Variants in PBLD observed in about 807,000 individuals in gnomAD.
PBLD encodes the protein phenazine biosynthesis-like domain-containing protein.
Under a neutral mutation model 31.3 loss-of-function variants are expected in PBLD, and 26 were observed. The ratio of observed to expected loss-of-function variants is 0.83; its 90% confidence interval spans 0.61 to 1.15. The LOEUF is 1.15. Among genes scored for constraint, PBLD ranks in the 50% most tolerant of loss-of-function variants. PBLD has a pLI of 0.00. For missense variants in PBLD, 307 were observed against 351.7 expected, an observed-to-expected ratio of 0.87 and a Z score of 1.02; for synonymous variants, 114 against 129.0, an observed-to-expected ratio of 0.88 and a Z score of 0.79.
Position 68,285,186 on chromosome 10 carries a change from G to A in PBLD, c.754+162C>T, listed in dbSNP as rs1360780080. 24 of 1,472,448 alleles carry A rather than the reference G, an allele frequency of 1.6e-5. No individual in the cohort carries two copies. In the African/African-American group the frequency reaches 3.2e-4, roughly 20 times the overall value. 91.2% of individuals were successfully genotyped at this position (1,472,448 alleles called of 1,614,324 possible). ...GGGGAGGCAGAGGTGAAGGCTGTTT[G>A]GGGTGGAGGATCTTTAAGGGTGAAG... On this transcript the variant is annotated intron_variant, in intron 9 of 9. Coordinates refer to ENST00000358769, the MANE Select transcript of PBLD (RefSeq NM_022129.4).
intron 1 of PBLD, among the ~76,000 whole-genome samples, chr10:68,327,670 C>A (rs987071966): frequency 2.4e-5 from 3 of 123,330 alleles, no homozygotes; most frequent in African/African-American, 9.7e-5. Flanking sequence ...CAAGACTCCA[C>A]CTCAAAAAAA....
chr10:68,315,208 T>A (rs181451507), intron 1 of PBLD, among the ~76,000 whole-genome samples: 1 of 152,036 alleles, frequency 6.6e-6, no homozygotes, highest in Non-Finnish European at 1.5e-5. Context: ...TCTGAGTCAG[T>A]GGATAATAGC....
chr10:68,319,047 A>AAGAGAG (rs745362764), intron 1 of PBLD, among the ~76,000 whole-genome samples: 16,165 of 108,960 alleles, frequency 0.15, 1,532 homozygotes, highest in South Asian at 0.22. Flanking sequence ...GAAAGAAAGA[A>AAGAGAG]AGAGAGAGAA....
chr10:68,296,762 G>A (rs1269057194), intron 3 of PBLD, 124 bp downstream of exon 3: 5 of 814,342 alleles, frequency 6.1e-6, no homozygotes, highest in African/African-American at 3.4e-5. Flanking sequence ...CCAGCACTTC[G>A]GGAGGCTGAG....
At position 68,309,307 on chromosome 10, in the gene PBLD, C is replaced by T. The variant is rs1286166738; in HGVS notation, c.-59-2404G>A. Reference sequence around the variant, plus strand: ...CTATAATCCCAGCTACTTGGGAGGCCGAGGCAGGAGAATCGCTTGAACCTG... The same window carrying T: ...CTATAATCCCAGCTACTTGGGAGGCTGAGGCAGGAGAATCGCTTGAACCTG... On this transcript the variant is annotated intron_variant, in intron 1 of 9. Coordinates refer to ENST00000358769, the MANE Select transcript of PBLD (RefSeq NM_022129.4). 3.4e-5 allele frequency among the ~76,000 whole-genome samples: 5 copies of T among 144,952 alleles called. 1 individual carries two copies. The highest frequency in any genetic ancestry group is 4.6e-4 in the East Asian group (2 of 4,382).
Position 68,306,796 on chromosome 10 carries a change from G to T in PBLD, c.49C>A (p.Arg17Ser), listed in dbSNP as rs12359690. ...AGGCAAACAGCAGCAGGATTCCCAC[G>T]AAATGCTCTTGCTGTGAATGCATCT... The part of the protein sequence containing the change: ...IADAFTARAF[R>S]GNPAAVCLLE... The change falls in exon 2 of 10, where the codon CGT becomes AGT. Residue 17 changes from arginine to serine, a missense_variant. Physicochemically the swap from Arg to Ser is moderately radical, Grantham distance 110. Transcript: ENST00000358769. 3 of 1,611,808 alleles carry T rather than the reference G, an allele frequency of 1.9e-6. No homozygotes were observed. Among genetic ancestry groups the T allele is most frequent in the Non-Finnish European group, 2.5e-6 (3 of 1,178,450 alleles).
chr10:68,296,314 A>G lies in PBLD; in HGVS notation c.235T>C (p.Cys79Arg), dbSNP rs1189334490. 5 of 1,614,188 alleles carry G rather than the reference A, an allele frequency of 3.1e-6. No homozygotes were observed. The highest frequency in any genetic ancestry group is 3.4e-6 in the Non-Finnish European group (4 of 1,180,004). Reference protein sequence around the residue: ...WFTPASEVPLCGHATLASAAV... With the variant: ...WFTPASEVPLRGHATLASAAV... ...GCAGAAGCCAGGGTGGCATGGCCAC[A>G]GAGTGGGACCTCACTCGCTGGTGTA... The change falls in exon 4 of 10, where the codon TGT becomes CGT. Residue 79 changes from cysteine (C) to arginine (R), a missense_variant. Cys to Arg is a radical substitution (Grantham distance 180, BLOSUM62 -3). Transcript: ENST00000358769.
Position 68,283,460 on chromosome 10 carries a change from G to T in PBLD, c.*717C>A, listed in dbSNP as rs552230597. ...TTATGGCCTACTGTCCTCTTTCTTA[G>T]TATTATATTATAAAATATTTTTCTA... On this transcript the variant is annotated 3_prime_UTR_variant, in exon 10 of 10. Transcript: ENST00000358769. 2 of 152,102 alleles carry T rather than the reference G, an allele frequency of 1.3e-5. No individual in the cohort carries two copies. Among genetic ancestry groups the T allele is most frequent in the Non-Finnish European group, 2.9e-5 (2 of 68,012 alleles). 9.4% of individuals were successfully genotyped at this position (152,102 alleles called of 1,614,324 possible).
At chr10:68,325,509 G>A (rs1252767859) in intron 1 of PBLD, among the ~76,000 whole-genome samples, 3 of 152,184 alleles carry the variant, frequency 2.0e-5, no homozygotes, top group Admixed American at 6.6e-5. Context: ...AGATTGCAAT[G>A]AGCTGAGATC....
chr10:68,326,429 A>C (rs953455884), intron 1 of PBLD, among the ~76,000 whole-genome samples: 3 of 152,222 alleles, frequency 2.0e-5, no homozygotes, highest in African/African-American at 7.2e-5. Context: ...TTTATTAATA[A>C]CAGCTGCATC....
At chr10:68,314,446 A>T (rs2044709687) in intron 1 of PBLD, among the ~76,000 whole-genome samples, 1 of 152,186 alleles carries the variant, frequency 6.6e-6, no homozygotes, top group Non-Finnish European at 1.5e-5. Flanking sequence ...CCCCAGCTAC[A>T]TGATAGCTTT....
At chr10:68,299,679 A>C (rs1009941335) in intron 2 of PBLD, among the ~76,000 whole-genome samples, 2 of 151,854 alleles carry the variant, frequency 1.3e-5, no homozygotes, top group African/African-American at 4.8e-5. Context: ...AACATGGCAA[A>C]ACCCCATCAC....
chr10:68,291,960 G>A lies in PBLD; in HGVS notation c.423+50C>T. On this transcript the variant is annotated intron_variant, in intron 6 of 9. Coordinates refer to ENST00000358769, the MANE Select transcript of PBLD (RefSeq NM_022129.4). ...GGATCAAATGATACCAAATCTTTGT[G>A]TGCAAACAATAACAAATAACTAGGC... 3 of 1,507,192 alleles carry A rather than the reference G, an allele frequency of 2.0e-6. No individual in the cohort carries two copies. In the African/African-American group the frequency reaches 4.1e-5, roughly 21 times the overall value. The allele number at this position is 1,507,192 out of a possible 1,614,324, so 93.4% of individuals were successfully genotyped here.
At chr10:68,292,446 C>T (rs1020181825) in intron 4 of PBLD, among the ~76,000 whole-genome samples, 3 of 151,862 alleles carry the variant, frequency 2.0e-5, no homozygotes, top group Admixed American at 2.0e-4. Flanking sequence ...TCAGATGTGG[C>T]GTCATACTTC....
Position 68,319,067 on chromosome 10 carries a change from G to GAA in PBLD, c.-59-12166_-59-12165dup, listed in dbSNP as rs1486215775. 8.6e-5 allele frequency among the ~76,000 whole-genome samples: 10 copies of GAA among 116,274 alleles called. 1 individual carries two copies. In the South Asian group the frequency reaches 3.4e-3, roughly 40 times the overall value. 76.3% of individuals were successfully genotyped at this position (116,274 alleles called of 152,430 possible). ...AAAGAAAGAGAGAGAAAGAAAGAAA[G>GAA]AAAGAAAGAAAGAAAGAAAGAAAGA... On this transcript the variant is annotated intron_variant, in intron 1 of 9. Coordinates refer to ENST00000358769, the MANE Select transcript of PBLD (RefSeq NM_022129.4).
At chr10:68,289,498 C>T (rs549728366) in intron 6 of PBLD, among the ~76,000 whole-genome samples, 6 of 151,992 alleles carry the variant, frequency 3.9e-5, no homozygotes, top group Admixed American at 1.3e-4. Flanking sequence ...TGGCCGAGAT[C>T]GCACCACTGC....
chr10:68,288,550 G>A lies in PBLD; in HGVS notation c.624C>T (p.Thr208=). ...ATCTTGAGTAAAAGTCAAATGCTTG[G>A]GTCTGCCCACCAGGCTCTCCTTTAA... ...LTLKGEPGGQ[T]QAFDFYSRYF... Residue 208 remains threonine (T), a synonymous_variant, in exon 8 of 10, where the codon ACC becomes ACT. Coordinates refer to ENST00000358769, the MANE Select transcript of PBLD (RefSeq NM_022129.4). The A allele has an allele frequency of 1.2e-6, 2 of 1,614,106 alleles. No homozygotes were observed. Among genetic ancestry groups the A allele is most frequent in the Non-Finnish European group, 1.7e-6 (2 of 1,180,012 alleles).
chr10:68,317,945 A>T (rs1189789237), intron 1 of PBLD, among the ~76,000 whole-genome samples: 1 of 152,070 alleles, frequency 6.6e-6, no homozygotes, highest in Non-Finnish European at 1.5e-5. Flanking sequence ...AAATAAAGTA[A>T]GGCCGGGCAC....
At chr10:68,307,235 G>A (rs182707039) in intron 1 of PBLD, among the ~76,000 whole-genome samples, 2 of 152,040 alleles carry the variant, frequency 1.3e-5, no homozygotes, top group Non-Finnish European at 2.9e-5. Context: ...TCACGGTGTA[G>A]GCCAGGCTGG....
Sources: gnomAD v4.1 joint callset for allele counts (sites outside exome capture counted in the v4.1 genomes callset) on GRCh38, gnomAD v4.1.1 for gene constraint, MANE v1.5 for transcripts, NCBI Gene and HGNC (gene_info 2026-07-23, HGNC 2026-07-21) for gene names.